CAB39L: variants seen among roughly 807,000 people sequenced by gnomAD.
CAB39L encodes calcium binding protein 39 like.
A neutral mutation model predicts 39.1 loss-of-function variants in CAB39L; 23 were observed. That is an observed-to-expected ratio of 0.59 (90% confidence interval 0.42 to 0.83). The LOEUF is 0.83. Ranked by LOEUF, CAB39L falls within the 40% of genes least tolerant of loss-of-function variation. CAB39L has a pLI of 0.00. For missense variants in CAB39L, 366 were observed against 391.9 expected (o/e 0.93, Z 0.56); for synonymous variants, 126 against 137.2 (o/e 0.92, Z 0.57).
intron 10 of CAB39L, among the ~76,000 whole-genome samples, chr13:49,314,252 A>G (rs930270268): frequency 2.6e-5 from 4 of 152,124 alleles, no homozygotes; most frequent in East Asian, 1.9e-4. Context: ...CCTCTCCTAC[A>G]TGTTAGCAGT....
At chr13:49,356,664 C>G (rs78393735) in intron 6 of CAB39L, among the ~76,000 whole-genome samples, 1,768 of 152,122 alleles carry the variant, frequency 0.012, 32 homozygotes, top group African/African-American at 0.036. Context: ...GTAAATGTAC[C>G]AATCAAGTTA....
At chr13:49,402,353 A>G (rs1205934983) in intron 3 of CAB39L, among the ~76,000 whole-genome samples, 1 of 152,198 alleles carries the variant, frequency 6.6e-6, no homozygotes, top group African/African-American at 2.4e-5. Flanking sequence ...TGGCAGGTTT[A>G]GATGGCATTT....
intron 3 of CAB39L, among the ~76,000 whole-genome samples, chr13:49,386,844 GACTAAACACCTCCCCC>G (rs1306489064): frequency 9.3e-5 from 14 of 149,804 alleles, no homozygotes; most frequent in African/African-American, 3.2e-4. Flanking sequence ...CCCACTCCCA[GACTAAACACCTCCCCC>G]ACTCCAAGAC....
intron 10 of CAB39L, among the ~76,000 whole-genome samples, chr13:49,319,429 G>A (rs1954285146): frequency 6.6e-6 from 1 of 152,098 alleles, no homozygotes; most frequent in Admixed American, 6.6e-5. Context: ...ATGATCGCCA[G>A]GGGATGGAGG....
At chr13:49,311,081 C>T (rs1593882306) in intron 10 of CAB39L, 88 bp from the exon 11 acceptor site, 2 of 1,086,852 alleles carry the variant, frequency 1.8e-6, no homozygotes, top group East Asian at 4.7e-5. Flanking sequence ...CTCACCCACA[C>T]TACTCGCGTT....
intron 3 of CAB39L, among the ~76,000 whole-genome samples, chr13:49,423,589 G>A (rs1957203983): frequency 6.6e-6 from 1 of 152,016 alleles, no homozygotes; most frequent in South Asian, 2.1e-4. Flanking sequence ...TAAAAAAAGA[G>A]TAAAAATTAG....
At chr13:49,374,997 T>C (rs1324036415) in intron 5 of CAB39L, among the ~76,000 whole-genome samples, 1 of 152,136 alleles carries the variant, frequency 6.6e-6, no homozygotes, top group East Asian at 1.9e-4. Context: ...TTCCTATTTA[T>C]GGTCACTGAC....
intron 5 of CAB39L, among the ~76,000 whole-genome samples, chr13:49,369,451 C>T (rs981782911): frequency 1.3e-5 from 2 of 152,180 alleles, no homozygotes; most frequent in East Asian, 3.9e-4. Flanking sequence ...TGACAGAAGC[C>T]AGGCTCAAAA....
intron 9 of CAB39L, among the ~76,000 whole-genome samples, chr13:49,339,125 C>CTTTTTTTT (rs1215081648): frequency 8.0e-5 from 8 of 99,910 alleles, no homozygotes; most frequent in East Asian, 2.6e-4. Flanking sequence ...TTTTACATGT[C>CTTTTTTTT]TTTTTTTTTT....
intron 10 of CAB39L, among the ~76,000 whole-genome samples, chr13:49,321,178 C>T (rs1330328061): frequency 1.3e-5 from 2 of 152,090 alleles, no homozygotes; most frequent in African/African-American, 4.8e-5. Context: ...CAGAGATAAC[C>T]CCTGTGAATA....
At chr13:49,371,782 G>C (rs1349983238) in intron 5 of CAB39L, among the ~76,000 whole-genome samples, 3 of 151,940 alleles carry the variant, frequency 2.0e-5, no homozygotes, top group African/African-American at 7.3e-5. Context: ...TGTAGAGACA[G>C]GGTTTTGCCA....
At position 49,310,840 on chromosome 13, in the gene CAB39L, G is replaced by A. The variant is rs1254047124; in HGVS notation, c.988C>T (p.Arg330Ter). 15 of 1,614,060 alleles carry A rather than the reference G, an allele frequency of 9.3e-6. No homozygotes were observed. The highest frequency in any genetic ancestry group is 4.4e-5 in the South Asian group (4 of 91,068). The change falls in exon 11 of 11, where the codon CGA becomes TGA. Residue 330 changes from arginine (R) to a stop codon, truncating the protein, a stop_gained. Coordinates refer to ENST00000409308, the MANE Select transcript of CAB39L (RefSeq NM_001079670.3). LOFTEE classifies it high-confidence loss of function. ...DEKNYLIKQI[R>*]DLKKTAP ...CAAGGGGCCGTTTTCTTCAAGTCTC[G>A]GATCTGTTTAATCAAGTAGTTCTTC...
intron 3 of CAB39L, among the ~76,000 whole-genome samples, chr13:49,393,700 CTA>C (rs1250900625): frequency 2.0e-5 from 3 of 151,884 alleles, no homozygotes; most frequent in African/African-American, 7.2e-5. Flanking sequence ...AAAAAACACT[CTA>C]TTTTGTTCTT....
At chr13:49,346,843 A>G (rs1420422876) in intron 7 of CAB39L, among the ~76,000 whole-genome samples, 1 of 152,214 alleles carries the variant, frequency 6.6e-6, no homozygotes, top group Non-Finnish European at 1.5e-5. Context: ...AACCACTTCT[A>G]TTATGGGAAT....
chr13:49,346,283 C>T (rs1391685412), intron 7 of CAB39L, among the ~76,000 whole-genome samples: 4 of 141,090 alleles, frequency 2.8e-5, no homozygotes, highest in African/African-American at 1.0e-4. Flanking sequence ...CTTATGTACA[C>T]ATAATACATA....
intron 5 of CAB39L, among the ~76,000 whole-genome samples, chr13:49,376,330 T>C (rs1956057594): frequency 6.6e-6 from 1 of 152,222 alleles, no homozygotes; most frequent in Admixed American, 6.5e-5. Flanking sequence ...CATTTCTCAC[T>C]GAAAAATCAC....
chr13:49,399,223 G>T (rs1293313538), intron 3 of CAB39L, among the ~76,000 whole-genome samples: 1 of 152,024 alleles, frequency 6.6e-6, no homozygotes, highest in Admixed American at 6.6e-5. Flanking sequence ...CTTAGGAATG[G>T]CTAAGTACAA....
chr13:49,355,267 G>A lies in CAB39L; in HGVS notation c.396-4355C>T, dbSNP rs367581881. Among the ~76,000 whole-genome samples the A allele has an allele frequency of 1.1e-4, 17 of 151,842 alleles. No individual in the cohort carries two copies. The East Asian group carries it at 1.5e-3, about 14-fold the overall frequency. On this transcript the variant is annotated intron_variant, in intron 6 of 10. Transcript: ENST00000409308. ...TGTGGTGGCATGCACTTGTAGTCCC[G>A]GCTATTTGGGAGGCTGAGTCAGGAG...
chr13:49,413,236 G>A (rs778075288), intron 3 of CAB39L, among the ~76,000 whole-genome samples: 3 of 152,104 alleles, frequency 2.0e-5, no homozygotes, highest in South Asian at 2.1e-4. Context: ...ATATTTTACC[G>A]TATTTTATCA....
Sources: allele counts gnomAD v4.1 joint callset (sites outside exome capture counted in the v4.1 genomes callset), GRCh38; gene constraint gnomAD v4.1.1; transcripts MANE v1.5; gene names NCBI Gene and HGNC (gene_info 2026-07-23, HGNC 2026-07-21).